PDE11A: variants seen among roughly 807,000 people sequenced by gnomAD.
PDE11A encodes the protein phosphodiesterase 11A, also known as dual 3',5'-cyclic-AMP and -GMP phosphodiesterase 11A.
In PDE11A, 100 loss-of-function variants were observed where a neutral mutation model predicts 100.5. That is an observed-to-expected ratio of 1.00 (90% CI 0.85 to 1.18). The LOEUF (loss-of-function observed/expected upper bound fraction) is 1.18. Ranked by LOEUF, PDE11A falls within the 50% of genes most tolerant of loss-of-function variation. The pLI, the probability that PDE11A is intolerant of heterozygous loss-of-function variation, is 0.00. For missense variants in PDE11A, 1,141 were observed against 1,152.6 expected, an observed-to-expected ratio of 0.99 and a Z score of 0.15; for synonymous variants, 381 against 420.8, an observed-to-expected ratio of 0.91 and a Z score of 1.16.
At chr2:177,790,152 C>T (rs982811480) in intron 9 of PDE11A, among the ~76,000 whole-genome samples, 6 of 150,378 alleles carry the variant, frequency 4.0e-5, no homozygotes, top group Non-Finnish European at 7.4e-5. Context: ...TACAAGGCTA[C>T]AGTAACCAAA....
intron 5 of PDE11A, among the ~76,000 whole-genome samples, chr2:177,872,571 C>A (rs1264422008): frequency 1.3e-5 from 2 of 152,138 alleles, no homozygotes; most frequent in South Asian, 2.1e-4. Context: ...AAGCCTCAAA[C>A]CAGAGTTCAT....
At chr2:177,703,794 TAAC>T (rs61536321) in intron 13 of PDE11A, among the ~76,000 whole-genome samples, 5,026 of 152,238 alleles carry the variant, frequency 0.033, 271 homozygotes, top group African/African-American at 0.11. Flanking sequence ...ATGGGGACGA[TAAC>T]AACAGCTTTT....
rs1255789868 is a variant in PDE11A, at chr2:178,071,666, A to G, written c.772T>C (p.Phe258Leu). The G allele has an allele frequency of 6.2e-7, 1 of 1,613,522 alleles. No individual in the cohort carries two copies. The highest frequency in any genetic ancestry group is 8.5e-7 in the Non-Finnish European group (1 of 1,179,534). The part of the protein sequence containing the change: ...AGKKTLVSKF[F>L]DVHAGTPLLP... ...AGAGGTGTTCCTGCATGCACATCAA[A>G]GAATTTGGAGACCAAGGTCTTCTTG... is the stretch of plus-strand genomic sequence containing the variant. Residue 258 changes from phenylalanine (F) to leucine (L), a missense_variant, in exon 1 of 20, where the codon TTT becomes CTT. Transcript: ENST00000286063.
At chr2:177,759,963 C>T (rs1194977247) in intron 10 of PDE11A, among the ~76,000 whole-genome samples, 1 of 152,096 alleles carries the variant, frequency 6.6e-6, no homozygotes, top group South Asian at 2.1e-4. Flanking sequence ...CAAAATGCCA[C>T]CAAGATTTCA....
At chr2:177,749,657 T>C (rs910363806) in intron 10 of PDE11A, among the ~76,000 whole-genome samples, 1 of 152,146 alleles carries the variant, frequency 6.6e-6, no homozygotes, top group African/African-American at 2.4e-5. Flanking sequence ...ATGATTAAAT[T>C]AAGATAACAC....
At chr2:177,787,423 G>A (rs574311877) in intron 9 of PDE11A, among the ~76,000 whole-genome samples, 213 of 151,612 alleles carry the variant, frequency 1.4e-3, no homozygotes, top group African/African-American at 4.4e-3. Context: ...GGTACCAGCC[G>A]CTGCAAAATC....
At chr2:177,835,695 G>A (rs912899759) in intron 6 of PDE11A, among the ~76,000 whole-genome samples, 3 of 152,164 alleles carry the variant, frequency 2.0e-5, no homozygotes, top group African/African-American at 7.2e-5. Flanking sequence ...GCGGGAACTG[G>A]GGCTGCGCAT....
At chr2:177,632,226 C>T (rs1322054651) in intron 19 of PDE11A, among the ~76,000 whole-genome samples, 2 of 152,142 alleles carry the variant, frequency 1.3e-5, no homozygotes, top group African/African-American at 2.4e-5. Flanking sequence ...AATTGTATGG[C>T]TTCAACCTTT....
Position 177,890,616 on chromosome 2 carries a change from G to C in PDE11A, c.1302+7442C>G, listed in dbSNP as rs80209672. On this transcript the variant is annotated intron_variant, in intron 4 of 19. Transcript: ENST00000286063. ...GTGGATTATGGAGTCTGCATGTCTT[G>C]TCCTGGGTCCAGATTGGTCTTTAAT... Among the ~76,000 whole-genome samples, 154 of 152,268 alleles carry C rather than the reference G, an allele frequency of 1.0e-3. 1 individual carries two copies. The East Asian group carries it at 0.029, about 29-fold the overall frequency.
chr2:178,008,378 C>T (rs2086237224), intron 2 of PDE11A, among the ~76,000 whole-genome samples: 1 of 152,160 alleles, frequency 6.6e-6, no homozygotes, highest in Non-Finnish European at 1.5e-5. Context: ...AGTAGTACTA[C>T]AGCTTGCAGC....
chr2:177,890,457 G>C (rs2695742), intron 4 of PDE11A, among the ~76,000 whole-genome samples: 104,199 of 152,058 alleles, frequency 0.69, 36,167 homozygotes, highest in East Asian at 0.82. Context: ...TGGCTGAAGG[G>C]AAGTAACCTC....
chr2:178,093,511 TCTTTTCTTTCTAAAACCAG>T (rs2087449589), intron 2 of PDE11A, among the ~76,000 whole-genome samples: 1 of 152,188 alleles, frequency 6.6e-6, no homozygotes, highest in Admixed American at 6.5e-5. Flanking sequence ...AAGGTTCCTT[TCTTTTCTTTCTAAAACCAG>T]TCAAAAAGAA....
chr2:177,843,043 G>A (rs1426700248), intron 5 of PDE11A, among the ~76,000 whole-genome samples: 1 of 152,088 alleles, frequency 6.6e-6, no homozygotes, highest in African/African-American at 2.4e-5. Context: ...TAATAAAGGG[G>A]GAAGGGAGAA....
intron 1 of PDE11A, chr2:178,018,377 A>ACTTGACTTTAACTTGGCACG (rs1553501020): frequency 0.33 from 156,668 of 475,190 alleles, 28,325 homozygotes; most frequent in Non-Finnish European, 0.37. Context: ...CTTTTGGCAC[A>ACTTGACTTTAACTTGGCACG]CTTGACTTTA....
intron 2 of PDE11A, among the ~76,000 whole-genome samples, chr2:178,090,300 T>C (rs1056088702): frequency 2.5e-4 from 38 of 152,252 alleles, no homozygotes; most frequent in African/African-American, 8.2e-4. Flanking sequence ...ATTTTACTTA[T>C]TGCATTCATT....
chr2:177,708,416 A>G (rs1043915864), intron 13 of PDE11A, among the ~76,000 whole-genome samples: 14 of 152,238 alleles, frequency 9.2e-5, no homozygotes, highest in African/African-American at 3.4e-4. Context: ...CTCAATTACA[A>G]GTGGGAGCTA....
chr2:177,802,743 A>T (rs1377570901), intron 9 of PDE11A, among the ~76,000 whole-genome samples: 1 of 152,010 alleles, frequency 6.6e-6, no homozygotes, highest in Non-Finnish European at 1.5e-5. Context: ...GTGATAATAT[A>T]TCAAGACATT....
chr2:178,061,917 T>C (rs2086974862), intron 1 of PDE11A, among the ~76,000 whole-genome samples: 2 of 152,248 alleles, frequency 1.3e-5, no homozygotes, highest in African/African-American at 4.8e-5. Context: ...GTAGCTCTTC[T>C]TCCCCCAGTT....
At chr2:177,794,394 G>A (rs893824287) in intron 9 of PDE11A, among the ~76,000 whole-genome samples, 1 of 152,150 alleles carries the variant, frequency 6.6e-6, no homozygotes, top group African/African-American at 2.4e-5. Flanking sequence ...GGTCATAGAG[G>A]GACCAGGGAT....
Sources: allele counts gnomAD v4.1 joint callset (sites outside exome capture counted in the v4.1 genomes callset), GRCh38; gene constraint gnomAD v4.1.1; transcripts MANE v1.5; gene names NCBI Gene and HGNC (gene_info 2026-07-23, HGNC 2026-07-21).